UACA: variants seen among roughly 807,000 people sequenced by gnomAD.
UACA encodes the protein uveal autoantigen with coiled-coil domains and ankyrin repeats, also known as nuclear membrane binding protein.
In UACA, 112 loss-of-function variants were observed where a neutral mutation model predicts 160.5. That is an observed-to-expected ratio of 0.70 (90% confidence interval 0.60 to 0.82). The LOEUF (loss-of-function observed/expected upper bound fraction) is 0.82, where lower values mean the gene tolerates loss of function less well. Among genes scored for constraint, UACA ranks in the 40% least tolerant of loss-of-function variants. The pLI, the probability that UACA is intolerant of heterozygous loss-of-function variation, is 0.00. For synonymous variants in UACA, 557 were observed against 568.4 expected (o/e 0.98, Z 0.29); for missense variants, 1,574 against 1,614.6 (o/e 0.97, Z 0.43).
Position 70,701,970 on chromosome 15 carries a change from A to G in UACA, c.79-2310T>C, listed in dbSNP as rs1595899271. 1.4e-5 allele frequency: 23 copies of G among 1,604,598 alleles called. No homozygotes were observed. In the East Asian group the frequency reaches 5.1e-4, roughly 36 times the overall value. ...GCAAACTACTTTGCATTAAGTTACAAATCTCTGTAAGCTCACAAAGCAAAC... is the reference window on the plus strand; with the variant it reads ...GCAAACTACTTTGCATTAAGTTACAGATCTCTGTAAGCTCACAAAGCAAAC... On this transcript the variant is annotated intron_variant, in intron 1 of 18. Coordinates refer to ENST00000322954, the MANE Select transcript of UACA (RefSeq NM_018003.4).
At chr15:70,747,412 C>A in intron 1 of UACA, among the ~76,000 whole-genome samples, 1 of 151,948 alleles carries the variant, frequency 6.6e-6, no homozygotes, top group Non-Finnish European at 1.5e-5. Flanking sequence ...CTCTATCGCC[C>A]AGGCTGGAGT....
At chr15:70,687,271 C>T (rs888237136) in intron 7 of UACA, among the ~76,000 whole-genome samples, 1 of 152,188 alleles carries the variant, frequency 6.6e-6, no homozygotes, top group Admixed American at 6.5e-5. Flanking sequence ...TTCCTCTCTC[C>T]TTCAGTTCTT....
Position 70,667,883 on chromosome 15 carries a change from G to A in UACA, c.2801C>T (p.Ser934Leu), listed in dbSNP as rs142570134. 8.1e-4 allele frequency: 1,314 copies of A among 1,614,022 alleles called. 19 individuals carry two copies. In the Admixed American group the frequency reaches 0.02, roughly 25 times the overall value. Residue 934 changes from serine to leucine, a missense_variant, in exon 16 of 19, where the codon TCG (serine) becomes TTG (leucine). By Grantham distance (145) the Ser-to-Leu change is moderately radical (BLOSUM62 -2). Coordinates refer to ENST00000322954, the MANE Select transcript of UACA (RefSeq NM_018003.4). ...SLAEHEAKMS[S>L]LSQSMRKVQD... ...CACCTTTCTCATGCTCTGACTTAGC[G>A]AGCTCATCTTTGCCTCGTGCTCTGC...
intron 1 of UACA, among the ~76,000 whole-genome samples, chr15:70,711,309 C>G (rs1172533316): frequency 6.6e-6 from 1 of 151,966 alleles, no homozygotes; most frequent in Non-Finnish European, 1.5e-5. Flanking sequence ...GTGTATTTTA[C>G]ATAATGTTTA....
chr15:70,724,277 T>A (rs971391962), intron 1 of UACA, among the ~76,000 whole-genome samples: 1 of 152,156 alleles, frequency 6.6e-6, no homozygotes, highest in African/African-American at 2.4e-5. Flanking sequence ...TAAAATAATA[T>A]TCCAAATACT....
At position 70,728,688 on chromosome 15, in the gene UACA, A is replaced by G. The variant is rs192118904; in HGVS notation, c.79-29028T>C. Among the ~76,000 whole-genome samples, 7 of 152,292 alleles carry G rather than the reference A, an allele frequency of 4.6e-5. No homozygotes were observed. The East Asian group carries it at 1.3e-3, about 29-fold the overall frequency. On this transcript the variant is annotated intron_variant, in intron 1 of 18. Coordinates refer to ENST00000322954, the MANE Select transcript of UACA (RefSeq NM_018003.4). ...CAACTGCAAAGAAAGCGAAAATTGA[A>G]AAGTGGGACCTAATTAAGCTAAAGA...
intron 18 of UACA, 96 bp downstream of exon 18, chr15:70,660,055 C>T (rs1271020096): frequency 3.0e-6 from 3 of 992,446 alleles, no homozygotes; most frequent in Non-Finnish European, 4.4e-6. Flanking sequence ...GGTGCAGCTA[C>T]TTTAAACATC....
intron 17 of UACA, 61 bp from the exon 18 acceptor site, chr15:70,660,277 CA>C: frequency 1.4e-6 from 2 of 1,395,024 alleles, no homozygotes; most frequent in Non-Finnish European, 1.0e-6. Flanking sequence ...AAACTTTGGA[CA>C]ATGCTCAGGC....
chr15:70,682,794 C>G lies in UACA; in HGVS notation c.786G>C (p.Gly262=), dbSNP rs770205119. The change falls in exon 9 of 19, where the codon GGG becomes GGC. Residue 262 remains glycine, a splice_region_variant and synonymous_variant. Transcript: ENST00000322954. ...ATGGCCCTTTCTTCCAAAGTTCTCT[C>G]CCTAAGATTTAGAGAAAAAGAGAAA... The part of the protein sequence containing the change: ...LKTASENTNK[G]RELWKKGPSL... 1.2e-5 allele frequency: 19 copies of G among 1,559,962 alleles called. No homozygotes were observed. Among genetic ancestry groups the G allele is most frequent in the East Asian group, 4.7e-5 (2 of 42,968 alleles).
At chr15:70,727,745 A>C (rs1442747820) in intron 1 of UACA, among the ~76,000 whole-genome samples, 1 of 152,234 alleles carries the variant, frequency 6.6e-6, no homozygotes, top group Non-Finnish European at 1.5e-5. Flanking sequence ...AAATATCTTA[A>C]ACTGTTCTAG....
chr15:70,707,490 A>C (rs1462926835), intron 1 of UACA, among the ~76,000 whole-genome samples: 1 of 152,206 alleles, frequency 6.6e-6, no homozygotes, highest in Non-Finnish European at 1.5e-5. Flanking sequence ...GGCAACCTAC[A>C]GAATGCGCAG....
chr15:70,668,523 T>C lies in UACA; in HGVS notation c.2161A>G (p.Lys721Glu), dbSNP rs373285275. The change falls in exon 16 of 19, where the codon AAA becomes GAA. Residue 721 changes from lysine (K) to glutamate (E), a missense_variant. Coordinates refer to ENST00000322954, the MANE Select transcript of UACA (RefSeq NM_018003.4). Reference sequence around the variant, plus strand: ...AGGAGCTTATTATCCAAATAAACTTTTTCAATTTCCTTTTGTAGTGTCTGA... The same window carrying C: ...AGGAGCTTATTATCCAAATAAACTTCTTCAATTTCCTTTTGTAGTGTCTGA... ...KNQTLQKEIE[K>E]VYLDNKLLKE... is the part of the protein sequence containing the mutation. 6.2e-7 allele frequency: 1 copy of C among 1,609,998 alleles called. No individual in the cohort carries two copies. The highest frequency in any genetic ancestry group is 8.5e-7 in the Non-Finnish European group (1 of 1,179,310).
At chr15:70,757,713 T>G (rs2030512919) in intron 1 of UACA, among the ~76,000 whole-genome samples, 1 of 152,264 alleles carries the variant, frequency 6.6e-6, no homozygotes, top group Non-Finnish European at 1.5e-5. Context: ...TTTTATTCTT[T>G]TGGTCATCAT....
At chr15:70,674,004 G>A in intron 13 of UACA, among the ~76,000 whole-genome samples, 1 of 152,108 alleles carries the variant, frequency 6.6e-6, no homozygotes, top group Non-Finnish European at 1.5e-5. Flanking sequence ...TGGGATTATA[G>A]GCATGCACCA....
chr15:70,750,756 A>C (rs1487289506), intron 1 of UACA, among the ~76,000 whole-genome samples: 1 of 152,178 alleles, frequency 6.6e-6, no homozygotes, highest in Non-Finnish European at 1.5e-5. Context: ...CTGTAGTCCC[A>C]GCTACGCACT....
At chr15:70,767,968 G>C (rs2031056469), upstream of UACA, 1 of 152,082 alleles carries the variant, frequency 6.6e-6, no homozygotes, top group South Asian at 2.1e-4. Context: ...CTAAAACATT[G>C]CATAAAAGAG....
chr15:70,737,766 C>T (rs1233431878), intron 1 of UACA, among the ~76,000 whole-genome samples: 1 of 152,158 alleles, frequency 6.6e-6, no homozygotes, highest in African/African-American at 2.4e-5. Flanking sequence ...TGCTTATATT[C>T]ATACAATATA....
chr15:70,670,443 C>T (rs1022525968), intron 15 of UACA, among the ~76,000 whole-genome samples: 2 of 152,114 alleles, frequency 1.3e-5, no homozygotes, highest in African/African-American at 4.8e-5. Context: ...TCTCTCAAGC[C>T]GCCCACTTGG....
At chr15:70,703,644 C>G (rs958864804) in intron 1 of UACA, among the ~76,000 whole-genome samples, 1 of 152,000 alleles carries the variant, frequency 6.6e-6, no homozygotes, top group Admixed American at 6.6e-5. Context: ...ACAGCAAAGG[C>G]GAAGGAAGAG....
Sources: allele counts gnomAD v4.1 joint callset (sites outside exome capture counted in the v4.1 genomes callset), GRCh38; gene constraint gnomAD v4.1.1; transcripts MANE v1.5; gene names NCBI Gene and HGNC (gene_info 2026-07-23, HGNC 2026-07-21).